The following PYGB variants were observed in gnomAD, a reference collection of about 807,000 sequenced individuals.
The protein encoded by PYGB is glycogen phosphorylase B.
Under a neutral mutation model 94.3 loss-of-function variants are expected in PYGB, and 82 were observed. The ratio of observed to expected loss-of-function variants is 0.87; its 90% CI spans 0.73 to 1.04. The LOEUF (loss-of-function observed/expected upper bound fraction) is 1.04. PYGB is among the 50% of genes least tolerant of loss of function. PYGB has a pLI of 0.00. For missense variants in PYGB, 1,132 were observed against 1,158.2 expected (o/e 0.98, Z 0.33); for synonymous variants, 488 against 479.1 (o/e 1.02, Z -0.24).
intron 2 of PYGB, 58 bp from the exon 3 acceptor site, chr20:25,269,071 G>A: frequency 7.1e-7 from 1 of 1,408,158 alleles, no homozygotes; most frequent in Admixed American, 1.7e-5. Flanking sequence ...CTTTCAGCCT[G>A]TCATTCAAGG....
chr20:25,294,255 T>C lies in PYGB; in HGVS notation c.2275T>C (p.Phe759Leu). 6.4e-7 allele frequency: 1 copy of C among 1,553,354 alleles called. No individual in the cohort carries two copies. Among genetic ancestry groups the C allele is most frequent in the Non-Finnish European group, 8.8e-7 (1 of 1,141,772 alleles). Residue 759 changes from phenylalanine (F) to leucine (L), a missense_variant, in exon 18 of 20, where the codon TTC (phenylalanine) becomes CTC (leucine). By Grantham distance (22) the Phe-to-Leu change is conservative. Coordinates refer to ENST00000216962, the MANE Select transcript of PYGB (RefSeq NM_002862.4). ...GFFSPKEPDC[F>L]KDIVNMLMHH... ...TTTTTCTCCCAAGGAGCCAGACTGC[T>C]TCAAGGACATCGTGAACATGCTGAT...
chr20:25,284,312 C>A, intron 14 of PYGB, 61 bp downstream of exon 14: 1 of 1,572,820 alleles, frequency 6.4e-7, no homozygotes, highest in South Asian at 1.2e-5. Flanking sequence ...CCTTGCCCGC[C>A]AGCTGTGCAC....
chr20:25,261,383 CCTCCAGCAAA>C (rs912241179), intron 2 of PYGB, among the ~76,000 whole-genome samples: 41 of 152,288 alleles, frequency 2.7e-4, no homozygotes, highest in Admixed American at 2.0e-3. Context: ...CTGGAGTGGA[CCTCCAGCAAA>C]CTCCAGCAGA....
Position 25,297,948 on chromosome 20 carries a change from G to A in PYGB, c.*1426G>A, listed in dbSNP as rs1162202793. 1.3e-5 allele frequency: 2 copies of A among 152,308 alleles called. No homozygotes were observed. Among genetic ancestry groups the A allele is most frequent in the African/African-American group, 2.4e-5 (1 of 41,462 alleles). 9.4% of individuals were successfully genotyped at this position (152,308 alleles called of 1,614,324 possible). A position where few individuals can be genotyped will look rare whatever the true frequency, so the allele number is the denominator to read the frequency against. On this transcript the variant is annotated 3_prime_UTR_variant, in exon 20 of 20. Coordinates refer to ENST00000216962, the MANE Select transcript of PYGB (RefSeq NM_002862.4). ...GGGCCACCACCCTGACCACCACTGT[G>A]CCCCTCATTGTTACTGCCTTGTGAG...
chr20:25,273,884 G>C (rs549365693), intron 4 of PYGB, among the ~76,000 whole-genome samples: 1 of 152,222 alleles, frequency 6.6e-6, no homozygotes, highest in Admixed American at 6.5e-5. Flanking sequence ...GTCCTGCCCT[G>C]TCGCCCAGGC....
chr20:25,287,904 C>T (rs565197587), intron 14 of PYGB, among the ~76,000 whole-genome samples: 1 of 152,094 alleles, frequency 6.6e-6, no homozygotes, highest in Non-Finnish European at 1.5e-5. Context: ...TTGCTTGAAC[C>T]TGGAAGGTAG....
rs746830354 is a variant in PYGB at position 25,248,144 on chromosome 20, T to A, written c.-35T>A. ...GCGTTCGCGTGTGCCGCCGCTTTCC[T>A]CCTCCATCTCTTTTCCTCCGCCTCC... On this transcript the variant is annotated 5_prime_UTR_variant, in exon 1 of 20. Transcript: ENST00000216962. The A allele has an allele frequency of 7.7e-6, 12 of 1,551,202 alleles. No individual in the cohort carries two copies. The highest frequency in any genetic ancestry group is 9.6e-6 in the Non-Finnish European group (11 of 1,150,386).
At chr20:25,263,484 C>A (rs2983489) in intron 2 of PYGB, among the ~76,000 whole-genome samples, 86,801 of 151,998 alleles carry the variant, frequency 0.57, 26,394 homozygotes, top group East Asian at 0.98. Flanking sequence ...AAATCGAAGA[C>A]TCCAGGAGCT....
chr20:25,251,972 C>G (rs1182125973), intron 1 of PYGB, among the ~76,000 whole-genome samples: 1 of 152,222 alleles, frequency 6.6e-6, no homozygotes, highest in East Asian at 1.9e-4. Flanking sequence ...GCAGACCCTT[C>G]TGCTCTGTGA....
At chr20:25,268,076 G>C (rs369078673) in intron 2 of PYGB, among the ~76,000 whole-genome samples, 1 of 149,992 alleles carries the variant, frequency 6.7e-6, no homozygotes, top group East Asian at 1.9e-4. Context: ...CATAAACTTA[G>C]AAGTTTTCTG....
At chr20:25,253,675 C>T (rs1028656681) in intron 1 of PYGB, among the ~76,000 whole-genome samples, 4 of 149,296 alleles carry the variant, frequency 2.7e-5, no homozygotes, top group African/African-American at 1.0e-4. Flanking sequence ...CCGACCTCAC[C>T]TCCACATCTC....
At chr20:25,270,826 T>C (rs920383805) in intron 3 of PYGB, among the ~76,000 whole-genome samples, 1 of 152,244 alleles carries the variant, frequency 6.6e-6, no homozygotes, top group Non-Finnish European at 1.5e-5. Flanking sequence ...TTGTTTTGTT[T>C]TGTTTTTCTT....
rs563719732 is a variant in PYGB at position 25,296,069 on chromosome 20, C to T, written c.2380-301C>T. ...GCATGTCCCCTGGCACTGGATCTGC[C>T]TGGGCAGTTCTTACCTGGTGCTATC... On this transcript the variant is annotated intron_variant, in intron 19 of 19. Transcript: ENST00000216962. 2.6e-5 allele frequency among the ~76,000 whole-genome samples: 4 copies of T among 152,290 alleles called. No individual in the cohort carries two copies. The East Asian group carries it at 5.8e-4, about 22-fold the overall frequency.
intron 19 of PYGB, 84 bp from the exon 20 acceptor site, chr20:25,296,286 C>T: frequency 6.5e-7 from 1 of 1,527,696 alleles, no homozygotes; most frequent in Non-Finnish European, 9.0e-7. Context: ...CATTTGGAAA[C>T]AGTCCTAAAG....
intron 8 of PYGB, 104 bp from the exon 9 acceptor site, chr20:25,278,953 G>T (rs2088339995): frequency 9.1e-7 from 1 of 1,102,436 alleles, no homozygotes; most frequent in Admixed American, 2.3e-5. Flanking sequence ...CGGGGGTGGG[G>T]TGGGCTGGGC....
intron 2 of PYGB, among the ~76,000 whole-genome samples, chr20:25,260,532 C>G (rs2092911047): frequency 6.6e-6 from 1 of 152,228 alleles, no homozygotes; most frequent in Admixed American, 6.5e-5. Flanking sequence ...ATAGGAACAG[C>G]TCCAGTCTAC....
chr20:25,293,008 C>T (rs917978540), intron 17 of PYGB, among the ~76,000 whole-genome samples: 4 of 152,206 alleles, frequency 2.6e-5, no homozygotes, highest in East Asian at 1.9e-4. Context: ...GGCGCTCTGC[C>T]GGGAGCACTC....
At chr20:25,285,117 T>G (rs538426416) in intron 14 of PYGB, 2 of 152,320 alleles carry the variant, frequency 1.3e-5, no homozygotes, top group South Asian at 4.2e-4. Context: ...CTGGGTGCGT[T>G]TGAGACACAC....
At chr20:25,293,970 C>T (rs2088500172) in intron 17 of PYGB, 188 bp from the exon 18 acceptor site, 4 of 662,726 alleles carry the variant, frequency 6.0e-6, no homozygotes, top group South Asian at 3.8e-5. Context: ...CACATCTCTG[C>T]TCGAGCAGGT....
Sources: gnomAD v4.1 joint callset for allele counts (sites outside exome capture counted in the v4.1 genomes callset) on GRCh38, gnomAD v4.1.1 for gene constraint, MANE v1.5 for transcripts, NCBI Gene and HGNC (gene_info 2026-07-23, HGNC 2026-07-21) for gene names.